CLASP1: variants seen among roughly 807,000 people sequenced by gnomAD.
CLASP1 encodes the protein CLIP-associating protein 1.
In CLASP1, 38 loss-of-function variants were observed where a neutral mutation model predicts 192.3. That is an observed-to-expected ratio of 0.20 (90% CI 0.15 to 0.26). The LOEUF (loss-of-function observed/expected upper bound fraction) is 0.26. Among genes scored for constraint, CLASP1 ranks in the 10% least tolerant of loss-of-function variants. CLASP1 has a pLI of 1.00. For missense variants in CLASP1, 1,433 were observed against 1,932.5 expected (o/e 0.74, Z 4.85); for synonymous variants, 691 against 712.8 (o/e 0.97, Z 0.49).
chr2:121,640,532 G>C (rs1385569192), intron 1 of CLASP1, among the ~76,000 whole-genome samples: 1 of 152,162 alleles, frequency 6.6e-6, no homozygotes, highest in Admixed American at 6.5e-5. Context: ...ACAGTCACCT[G>C]ATCTAATCCT....
intron 8 of CLASP1, among the ~76,000 whole-genome samples, chr2:121,497,915 T>C (rs1341688613): frequency 2.0e-5 from 3 of 152,074 alleles, no homozygotes; most frequent in African/African-American, 7.2e-5. Context: ...TTAGTAGAGA[T>C]GGGGCTTCAC....
At chr2:121,445,438 G>A (rs982209637) in intron 19 of CLASP1, 16 of 1,287,996 alleles carry the variant, frequency 1.2e-5, no homozygotes, top group Admixed American at 2.3e-5. Context: ...AAAAGCTGTC[G>A]AGCATGGTAC....
At chr2:121,573,239 C>T (rs558316905) in intron 2 of CLASP1, among the ~76,000 whole-genome samples, 1 of 152,228 alleles carries the variant, frequency 6.6e-6, no homozygotes, top group Middle Eastern at 3.4e-3. Flanking sequence ...GGATTACAGG[C>T]GTGAGCCACC....
chr2:121,569,306 C>T (rs1188757010), intron 2 of CLASP1, among the ~76,000 whole-genome samples: 2 of 152,102 alleles, frequency 1.3e-5, no homozygotes, highest in African/African-American at 2.4e-5. Flanking sequence ...GCTCATAACA[C>T]AGAGATCGGG....
chr2:121,370,514 G>A (rs1417943899), intron 34 of CLASP1, among the ~76,000 whole-genome samples: 1 of 152,116 alleles, frequency 6.6e-6, no homozygotes, highest in Non-Finnish European at 1.5e-5. Context: ...TAGTAGAGAT[G>A]GGGTTTCACC....
chr2:121,625,756 G>T (rs555874469), intron 1 of CLASP1, among the ~76,000 whole-genome samples: 6 of 151,656 alleles, frequency 4.0e-5, no homozygotes, highest in African/African-American at 1.2e-4. Flanking sequence ...TTTCTAAGAG[G>T]TTCCTGAAAC....
intron 2 of CLASP1, chr2:121,530,983 T>A (rs773529556): frequency 2.9e-6 from 2 of 700,256 alleles, no homozygotes; most frequent in African/African-American, 3.5e-5. Flanking sequence ...AGCTTTTGCT[T>A]TATTTTGGTG....
chr2:121,387,248 GCAT>G lies in CLASP1; in HGVS notation c.3268-23_3268-21del. On this transcript the variant is annotated intron_variant, in intron 31 of 39. Coordinates refer to ENST00000263710, the Ensembl canonical transcript of CLASP1. Reference sequence around the variant, plus strand: ...AGAGCCCTGGGGTGAAGCAGAATAGGCATCGTTATTCAAGGGCTGTATATAGAA... The same window carrying G: ...AGAGCCCTGGGGTGAAGCAGAATAGGCGTTATTCAAGGGCTGTATATAGAA... 1 of 1,512,270 alleles carries G rather than the reference GCAT, an allele frequency of 6.6e-7. No individual in the cohort carries two copies. Among genetic ancestry groups the G allele is most frequent in the Non-Finnish European group, 8.9e-7 (1 of 1,120,880 alleles). 93.7% of individuals were successfully genotyped at this position (1,512,270 alleles called of 1,614,324 possible). A position where few individuals can be genotyped will look rare whatever the true frequency, so the allele number is the denominator to read the frequency against.
chr2:121,515,278 A>C (rs2094255130), intron 7 of CLASP1, among the ~76,000 whole-genome samples: 1 of 152,224 alleles, frequency 6.6e-6, no homozygotes, highest in Admixed American at 6.5e-5. Flanking sequence ...ATCCAAACAC[A>C]TTCTGGAATG....
At position 121,632,126 on chromosome 2, in the gene CLASP1, C is replaced by T. The variant is rs190106182; in HGVS notation, c.-286+17246G>A. Among the ~76,000 whole-genome samples, 1,321 of 152,202 alleles carry T rather than the reference C, an allele frequency of 8.7e-3. 11 individuals carry two copies. Among genetic ancestry groups the T allele is most frequent in the South Asian group, 0.023 (112 of 4,812 alleles). On this transcript the variant is annotated intron_variant, in intron 1 of 39. Transcript: ENST00000263710. ...AGGCATGGTAGTATGCACCTGTAGT[C>T]CCAGCTACCTGGAAGGCTGAGATGG...
At chr2:121,617,752 A>T (rs2066694591) in intron 1 of CLASP1, among the ~76,000 whole-genome samples, 1 of 152,042 alleles carries the variant, frequency 6.6e-6, no homozygotes, top group Non-Finnish European at 1.5e-5. Context: ...CACCTTCCAG[A>T]TCTCTGTTGG....
chr2:121,339,642 T>A (rs2062621014), exon 40 of CLASP1: 1 of 152,218 alleles, frequency 6.6e-6, no homozygotes, highest in Admixed American at 6.5e-5. Flanking sequence ...GAAGAGAGAC[T>A]CTAAATGTGT....
At position 121,420,133 on chromosome 2, in the gene CLASP1, A is replaced by AG. The variant is rs34711472; in HGVS notation, c.2213-1405_2213-1404insC. ...TCCAAATGCTTACTACTGCTCAGGG[A>AG]AAAAAAAAAAAGTCAAGCACAGGAA... is the stretch of plus-strand genomic sequence containing the variant. On this transcript the variant is annotated intron_variant, in intron 22 of 39. Transcript: ENST00000263710. 2.3e-4 allele frequency among the ~76,000 whole-genome samples: 12 copies of AG among 52,132 alleles called. No homozygotes were observed. The African/African-American group carries it at 5.0e-3, about 22-fold the overall frequency. 34.2% of individuals were successfully genotyped at this position (52,132 alleles called of 152,430 possible).
At chr2:121,522,011 G>T (rs1322666918) in intron 6 of CLASP1, among the ~76,000 whole-genome samples, 1 of 152,188 alleles carries the variant, frequency 6.6e-6, no homozygotes, top group Non-Finnish European at 1.5e-5. Flanking sequence ...AAAAGCACAT[G>T]CAAGCTACAC....
chr2:121,367,984 C>T (rs545998492), intron 34 of CLASP1, among the ~76,000 whole-genome samples, 153 bp from the exon 36 acceptor site: 1 of 152,310 alleles, frequency 6.6e-6, no homozygotes, highest in African/African-American at 2.4e-5. Context: ...TGTAAAAATA[C>T]CAAATCCGTA....
intron 2 of CLASP1, among the ~76,000 whole-genome samples, chr2:121,597,219 T>G (rs1331647634): frequency 1.3e-5 from 2 of 152,218 alleles, no homozygotes; most frequent in Non-Finnish European, 2.9e-5. Context: ...ATCAGTCTTC[T>G]CATTTGTAAA....
At chr2:121,363,926 C>T (rs894963606) in intron 36 of CLASP1, among the ~76,000 whole-genome samples, 3 of 152,178 alleles carry the variant, frequency 2.0e-5, no homozygotes, top group South Asian at 2.1e-4. Context: ...CCAGAAAGTA[C>T]ATCCTGATTC....
rs970721618 is a variant in CLASP1 at position 121,531,049 on chromosome 2, T to C, written c.196-724A>G. 9 of 697,728 alleles carry C rather than the reference T, an allele frequency of 1.3e-5. 1 individual carries two copies. The highest frequency in any genetic ancestry group is 7.3e-4 in the Middle Eastern group (2 of 2,734). 43.2% of individuals were successfully genotyped at this position (697,728 alleles called of 1,614,324 possible). A position where few individuals can be genotyped will look rare whatever the true frequency, so the allele number is the denominator to read the frequency against. ...ATAGACTTATCAGTTCAAACAGCAG[T>C]AATTCGTAAATAAACTAGTACTTTG... On this transcript the variant is annotated intron_variant, in intron 2 of 39. Coordinates refer to ENST00000263710, the Ensembl canonical transcript of CLASP1.
chr2:121,493,554 C>T (rs1204958182), intron 8 of CLASP1, among the ~76,000 whole-genome samples: 1 of 152,032 alleles, frequency 6.6e-6, no homozygotes, highest in South Asian at 2.1e-4. Flanking sequence ...TAAAAGAAAA[C>T]ATGGGGGAAA....
Sources: allele counts gnomAD v4.1 joint callset (sites outside exome capture counted in the v4.1 genomes callset), GRCh38; gene constraint gnomAD v4.1.1; transcripts MANE v1.5; gene names NCBI Gene and HGNC (gene_info 2026-07-23, HGNC 2026-07-21).